Variants in DISC1 observed in about 807,000 individuals in gnomAD.
DISC1 encodes DISC1 scaffold protein, also known as disrupted in schizophrenia 1 protein.
Under a neutral mutation model 84.5 loss-of-function variants are expected in DISC1, and 57 were observed. The observed-to-expected ratio is 0.67, with a 90% CI of 0.55 to 0.84. The LOEUF is 0.84. DISC1 is among the 40% of genes least tolerant of loss of function. DISC1 has a pLI of 0.00. For missense variants in DISC1, 1,000 were observed against 1,057.8 expected, an observed-to-expected ratio of 0.95 and a Z score of 0.76; for synonymous variants, 411 against 415.2, an observed-to-expected ratio of 0.99 and a Z score of 0.12.
intron 1 of DISC1, among the ~76,000 whole-genome samples, chr1:231,651,356 G>A (rs1441001595): frequency 1.3e-5 from 2 of 152,186 alleles, no homozygotes; most frequent in Admixed American, 1.3e-4. Flanking sequence ...TTTGCTGGAG[G>A]TCCACTCCAG....
chr1:231,980,451 A>G (rs865902213), intron 10 of DISC1, among the ~76,000 whole-genome samples: 3 of 152,216 alleles, frequency 2.0e-5, no homozygotes, highest in East Asian at 3.8e-4. Flanking sequence ...TTTACTCATT[A>G]TAATTCCAGT....
chr1:231,820,096 C>G (rs1025681624), intron 9 of DISC1, among the ~76,000 whole-genome samples: 23 of 152,214 alleles, frequency 1.5e-4, no homozygotes, highest in African/African-American at 5.1e-4. Flanking sequence ...TGAAGCCTCT[C>G]TTTATGTTTT....
At chr1:231,627,018 A>G in intron 1 of DISC1, 84 bp downstream of exon 1, 2 of 984,648 alleles carry the variant, frequency 2.0e-6, no homozygotes, top group Non-Finnish European at 2.9e-6. Flanking sequence ...GAAGTCGCGT[A>G]GGTCAGGGCG....
intron 4 of DISC1, among the ~76,000 whole-genome samples, chr1:231,766,288 T>TAAAAA (rs61578768): frequency 8.5e-5 from 9 of 106,090 alleles, no homozygotes; most frequent in Non-Finnish European, 1.1e-4. Flanking sequence ...AGACATTATC[T>TAAAAA]AAAAAAAAAA....
At chr1:231,709,634 G>T (rs1296264721) in intron 3 of DISC1, among the ~76,000 whole-genome samples, 1 of 152,030 alleles carries the variant, frequency 6.6e-6, no homozygotes, top group Non-Finnish European at 1.5e-5. Context: ...CAGCTTCAAG[G>T]TTAGGTGTGA....
At chr1:231,957,457 T>A (rs1659717292) in intron 9 of DISC1, among the ~76,000 whole-genome samples, 1 of 152,198 alleles carries the variant, frequency 6.6e-6, no homozygotes, top group Non-Finnish European at 1.5e-5. Flanking sequence ...CATCCCTTGC[T>A]GCCAGAATGG....
At chr1:231,859,284 T>C (rs937999615) in intron 9 of DISC1, among the ~76,000 whole-genome samples, 1 of 152,240 alleles carries the variant, frequency 6.6e-6, no homozygotes, top group African/African-American at 2.4e-5. Context: ...TTTGGGCTGC[T>C]GTAACAAAGT....
At chr1:231,893,640 G>T (rs904019187) in intron 9 of DISC1, among the ~76,000 whole-genome samples, 1 of 152,122 alleles carries the variant, frequency 6.6e-6, no homozygotes, top group Non-Finnish European at 1.5e-5. Flanking sequence ...TACCTGCGGG[G>T]CATGCTATTC....
intron 9 of DISC1, among the ~76,000 whole-genome samples, chr1:231,864,554 G>C (rs994466033): frequency 1.3e-5 from 2 of 152,026 alleles, no homozygotes; most frequent in Admixed American, 6.6e-5. Flanking sequence ...TCCCAGCTAC[G>C]CAGGACGCTG....
chr1:231,737,063 A>C (rs2072608204), intron 3 of DISC1, among the ~76,000 whole-genome samples: 2 of 152,226 alleles, frequency 1.3e-5, no homozygotes, highest in African/African-American at 4.8e-5. Context: ...TGTGCTAAAG[A>C]ATAACAGATG....
At chr1:231,778,587 G>C (rs936152476) in intron 6 of DISC1, among the ~76,000 whole-genome samples, 1 of 151,992 alleles carries the variant, frequency 6.6e-6, no homozygotes, top group Non-Finnish European at 1.5e-5. Flanking sequence ...CTTAGACCTC[G>C]CCTCACCATT....
At chr1:231,977,549 A>G (rs1312120917) in intron 10 of DISC1, among the ~76,000 whole-genome samples, 2 of 152,228 alleles carry the variant, frequency 1.3e-5, no homozygotes. Context: ...CCTTGTGATT[A>G]CATCAGATCC....
intron 1 of DISC1, among the ~76,000 whole-genome samples, chr1:231,645,889 C>T (rs1387803140): frequency 6.6e-6 from 1 of 150,560 alleles, no homozygotes; most frequent in Non-Finnish European, 1.5e-5. Flanking sequence ...ATATGTGCCA[C>T]ATTTTCTTTT....
intron 3 of DISC1, among the ~76,000 whole-genome samples, chr1:231,735,127 CACTG>C (rs900365845): frequency 3.9e-5 from 6 of 152,226 alleles, no homozygotes; most frequent in Admixed American, 3.9e-4. Context: ...CTCAAAATCA[CACTG>C]ACTGATTGAT....
chr1:231,927,292 A>G (rs1290643778), intron 9 of DISC1, among the ~76,000 whole-genome samples: 5 of 152,218 alleles, frequency 3.3e-5, no homozygotes, highest in Non-Finnish European at 7.3e-5. Context: ...GCACTCTCAC[A>G]CATTTCTAGG....
intron 10 of DISC1, among the ~76,000 whole-genome samples, chr1:231,980,242 C>G (rs192187319): frequency 6.6e-6 from 1 of 152,310 alleles, no homozygotes; most frequent in Non-Finnish European, 1.5e-5. Flanking sequence ...ACACACTGTT[C>G]TGCATCTGGC....
chr1:232,033,560 G>A lies in DISC1; in HGVS notation c.2426-3132G>A, dbSNP rs140413799. On this transcript the variant is annotated intron_variant, in intron 12 of 12. Coordinates refer to ENST00000439617, the MANE Select transcript of DISC1 (RefSeq NM_018662.3). Reference sequence around the variant, plus strand: ...GGACATAACTACCAACATGGCGCCTGTTTACTTTCTGCTGCACTCATAGGT... The same window carrying A: ...GGACATAACTACCAACATGGCGCCTATTTACTTTCTGCTGCACTCATAGGT... Among the ~76,000 whole-genome samples the A allele has an allele frequency of 2.6e-5, 4 of 152,286 alleles. No individual in the cohort carries two copies. In the East Asian group the frequency reaches 7.7e-4, roughly 29 times the overall value.
At chr1:231,684,266 T>C (rs12031888) in intron 1 of DISC1, among the ~76,000 whole-genome samples, 56,394 of 151,890 alleles carry the variant, frequency 0.37, 10,822 homozygotes, top group African/African-American at 0.46. Context: ...CTCAGTCTTC[T>C]GAGTAGCTGG....
chr1:231,863,124 A>G (rs2084790873), intron 9 of DISC1, among the ~76,000 whole-genome samples: 1 of 150,804 alleles, frequency 6.6e-6, no homozygotes, highest in Non-Finnish European at 1.5e-5. Context: ...GCACGTGCAT[A>G]GTTTGTAATG....
Sources: allele counts gnomAD v4.1 joint callset (sites outside exome capture counted in the v4.1 genomes callset), GRCh38; gene constraint gnomAD v4.1.1; transcripts MANE v1.5; gene names NCBI Gene and HGNC (gene_info 2026-07-23, HGNC 2026-07-21).